The following NTM variants were observed in gnomAD, a reference collection of about 807,000 sequenced individuals.
The protein encoded by NTM is neurotrimin, also known as IgLON family member 2.
In NTM, 13 loss-of-function variants were observed where a neutral mutation model predicts 42.1. The ratio of observed to expected loss-of-function variants is 0.31; its 90% confidence interval spans 0.20 to 0.49. NTM has a LOEUF of 0.49. Ranked by LOEUF, NTM falls within the 20% of genes least tolerant of loss-of-function variation. The probability of loss-of-function intolerance (pLI) is 0.99; values close to 1 mark genes in which losing one functional copy is unlikely to be tolerated. For missense variants in NTM, 373 were observed against 452.8 expected, an observed-to-expected ratio of 0.82 and a Z score of 1.60; for synonymous variants, 187 against 179.2, an observed-to-expected ratio of 1.04 and a Z score of -0.35.
intron 4 of NTM, among the ~76,000 whole-genome samples, chr11:132,261,469 G>A (rs1392887460): frequency 6.6e-6 from 1 of 152,190 alleles, no homozygotes; most frequent in Non-Finnish European, 1.5e-5. Context: ...ACTTTGAAGA[G>A]CAGGGCATAC....
At chr11:132,119,454 C>T (rs1041705018) in intron 2 of NTM, among the ~76,000 whole-genome samples, 3 of 152,220 alleles carry the variant, frequency 2.0e-5, no homozygotes, top group African/African-American at 7.2e-5. Context: ...TTACCACCAC[C>T]GGCCTCCACA....
At chr11:132,117,981 C>A (rs2064140454) in intron 2 of NTM, among the ~76,000 whole-genome samples, 1 of 152,216 alleles carries the variant, frequency 6.6e-6, no homozygotes, top group African/African-American at 2.4e-5. Context: ...GCCTTGGGAC[C>A]AATGACTCCG....
At chr11:131,565,486 C>T (rs537036608) in intron 1 of NTM, among the ~76,000 whole-genome samples, 2 of 152,320 alleles carry the variant, frequency 1.3e-5, no homozygotes, top group South Asian at 2.1e-4. Context: ...ACCTTGTACA[C>T]AGCTCGGTTG....
chr11:131,584,049 A>G (rs2058643418), intron 1 of NTM, among the ~76,000 whole-genome samples: 1 of 152,210 alleles, frequency 6.6e-6, no homozygotes, highest in African/African-American at 2.4e-5. Context: ...GCTGAACAGT[A>G]GAAAAAAGAG....
intron 1 of NTM, among the ~76,000 whole-genome samples, chr11:131,500,607 T>A (rs1223329127): frequency 6.9e-6 from 1 of 144,968 alleles, no homozygotes; most frequent in Non-Finnish European, 1.5e-5. Flanking sequence ...TATTATACTT[T>A]AAGTTCTAGG....
At chr11:131,513,361 C>T (rs1269109075) in intron 1 of NTM, among the ~76,000 whole-genome samples, 1 of 152,110 alleles carries the variant, frequency 6.6e-6, no homozygotes, top group Non-Finnish European at 1.5e-5. Context: ...CTGGGGTTTC[C>T]ATAGGAGGCA....
At chr11:131,761,324 A>T (rs1464481741) in intron 1 of NTM, among the ~76,000 whole-genome samples, 2 of 152,218 alleles carry the variant, frequency 1.3e-5, no homozygotes, top group African/African-American at 4.8e-5. Context: ...ACACCTAACA[A>T]GAAGCTGAAA....
At chr11:132,143,327 G>A (rs76004108) in intron 2 of NTM, among the ~76,000 whole-genome samples, 3,287 of 152,282 alleles carry the variant, frequency 0.022, 116 homozygotes, top group African/African-American at 0.075. Flanking sequence ...AGAAACCCAT[G>A]GAGTAAGGTC....
intron 1 of NTM, among the ~76,000 whole-genome samples, chr11:131,438,774 G>C (rs1456500609): frequency 6.6e-6 from 1 of 152,120 alleles, no homozygotes; most frequent in Non-Finnish European, 1.5e-5. Context: ...CCTTCTGAAG[G>C]CTACTTCTGT....
intron 1 of NTM, among the ~76,000 whole-genome samples, chr11:131,496,611 G>A (rs1242923218): frequency 6.6e-6 from 1 of 152,148 alleles, no homozygotes; most frequent in South Asian, 2.1e-4. Context: ...GTGAAGAAGA[G>A]CAAAGCCCCC....
At chr11:131,610,659 G>A (rs910597873) in intron 1 of NTM, among the ~76,000 whole-genome samples, 1 of 152,202 alleles carries the variant, frequency 6.6e-6, no homozygotes, top group Admixed American at 6.5e-5. Context: ...CCCCTGAGAA[G>A]TGTTCTAGGA....
At position 131,874,052 on chromosome 11, in the gene NTM, T is replaced by TAATAATATAATATA. The variant is rs1423528030; in HGVS notation, c.83-37511_83-37510insATAATATAATATAA. Among the ~76,000 whole-genome samples, 43 of 92,454 alleles carry TAATAATATAATATA rather than the reference T, an allele frequency of 4.7e-4. 3 individuals are homozygous for TAATAATATAATATA. Among genetic ancestry groups the TAATAATATAATATA allele is most frequent in the Non-Finnish European group, 8.4e-4 (38 of 45,438 alleles). 60.7% of individuals were successfully genotyped at this position (92,454 alleles called of 152,430 possible). ...TATAATATATATATATATATATATA[T>TAATAATATAATATA]ATATATATATATATATCAGCAACAG... On this transcript the variant is annotated intron_variant, in intron 1 of 8. Coordinates refer to ENST00000683400, the MANE Select transcript of NTM (RefSeq NM_001352005.2).
chr11:132,058,133 A>G (rs2080005824), intron 2 of NTM, among the ~76,000 whole-genome samples: 1 of 151,600 alleles, frequency 6.6e-6, no homozygotes. Context: ...TCTTTATTTG[A>G]TGTTCATGGT....
chr11:131,878,619 ATATATATATATATATATATAT>A (rs2048960318), intron 1 of NTM, among the ~76,000 whole-genome samples: 2 of 40,540 alleles, frequency 4.9e-5, no homozygotes, highest in Admixed American at 6.3e-4. Context: ...ATATATATAT[ATATATATATATATATATATAT>A]AATGTCTTAT....
intron 2 of NTM, among the ~76,000 whole-genome samples, chr11:131,974,823 T>C (rs993335945): frequency 1.3e-5 from 2 of 152,168 alleles, no homozygotes; most frequent in African/African-American, 4.8e-5. Context: ...GGTCCTAGTG[T>C]TTTTACAGTC....
intron 2 of NTM, among the ~76,000 whole-genome samples, chr11:131,943,149 T>C (rs2059988357): frequency 6.6e-6 from 1 of 152,146 alleles, no homozygotes; most frequent in Non-Finnish European, 1.5e-5. Flanking sequence ...CTTTCCACCA[T>C]CTACTTGGTG....
intron 1 of NTM, among the ~76,000 whole-genome samples, chr11:131,520,245 C>G (rs1051447700): frequency 1.3e-5 from 2 of 152,064 alleles, no homozygotes; most frequent in Non-Finnish European, 2.9e-5. Flanking sequence ...AGGCATAGTT[C>G]TAGGTGCTTT....
At chr11:132,237,643 C>T (rs2089289214) in intron 4 of NTM, among the ~76,000 whole-genome samples, 1 of 151,994 alleles carries the variant, frequency 6.6e-6, no homozygotes, top group Non-Finnish European at 1.5e-5. Context: ...TGGGGTGCGT[C>T]CCAATGCTAG....
intron 1 of NTM, among the ~76,000 whole-genome samples, chr11:131,515,959 C>G (rs2136504673): frequency 6.6e-6 from 1 of 152,254 alleles, no homozygotes; most frequent in African/African-American, 2.4e-5. Flanking sequence ...TGCATGTGGA[C>G]TTATATGGAA....
Sources: gnomAD v4.1 joint callset for allele counts (sites outside exome capture counted in the v4.1 genomes callset) on GRCh38, gnomAD v4.1.1 for gene constraint, MANE v1.5 for transcripts, NCBI Gene and HGNC (gene_info 2026-07-23, HGNC 2026-07-21) for gene names.